Variants in BBX observed in about 807,000 individuals in gnomAD.
The protein encoded by BBX is BBX high mobility group box domain containing.
In BBX, 30 loss-of-function variants were observed where a neutral mutation model predicts 100.2. The observed-to-expected ratio is 0.30, with a 90% CI of 0.22 to 0.41. BBX has a LOEUF of 0.41. Among genes scored for constraint, BBX ranks in the 10% least tolerant of loss-of-function variants. The pLI is 1.00. For missense variants in BBX, 1,023 were observed against 1,129.8 expected, an observed-to-expected ratio of 0.91 and a Z score of 1.35; for synonymous variants, 376 against 388.1, an observed-to-expected ratio of 0.97 and a Z score of 0.37.
At chr3:107,554,232 G>A (rs2049913470) in intron 2 of BBX, among the ~76,000 whole-genome samples, 1 of 152,192 alleles carries the variant, frequency 6.6e-6, no homozygotes, top group Non-Finnish European at 1.5e-5. Flanking sequence ...AGGGATTATT[G>A]ATTACGGATT....
chr3:107,534,055 A>C (rs2048336093), intron 2 of BBX, among the ~76,000 whole-genome samples: 1 of 152,238 alleles, frequency 6.6e-6, no homozygotes, highest in Non-Finnish European at 1.5e-5. Context: ...TCTAGGAATA[A>C]AGTAATAGCT....
intron 3 of BBX, among the ~76,000 whole-genome samples, chr3:107,701,837 G>A (rs565671595): frequency 1.3e-5 from 2 of 151,414 alleles, no homozygotes; most frequent in South Asian, 4.2e-4. Context: ...GGGGATAATA[G>A]TACCTACCTT....
At chr3:107,631,769 G>A (rs2056562673) in intron 2 of BBX, among the ~76,000 whole-genome samples, 1 of 152,098 alleles carries the variant, frequency 6.6e-6, no homozygotes, top group Non-Finnish European at 1.5e-5. Context: ...CTTCTCTGCA[G>A]TTGATACTTT....
At chr3:107,584,649 A>C (rs2052679807) in intron 2 of BBX, among the ~76,000 whole-genome samples, 1 of 134,770 alleles carries the variant, frequency 7.4e-6, no homozygotes, top group African/African-American at 2.7e-5. Context: ...GGCTTCTTTA[A>C]AAAGTGATTT....
At chr3:107,797,702 A>G (rs1381779567) in intron 15 of BBX, among the ~76,000 whole-genome samples, 2 of 152,142 alleles carry the variant, frequency 1.3e-5, no homozygotes, top group African/African-American at 4.8e-5. Flanking sequence ...TGAGTATGTA[A>G]GAAAAGACAC....
intron 9 of BBX, 103 bp downstream of exon 9, chr3:107,748,142 T>C (rs2064778114): frequency 1.1e-6 from 1 of 915,454 alleles, no homozygotes; most frequent in South Asian, 1.6e-5. Context: ...GGCATGCCTG[T>C]TGTCATTATT....
chr3:107,605,302 A>C (rs185842083), intron 2 of BBX, among the ~76,000 whole-genome samples: 8 of 152,232 alleles, frequency 5.3e-5, no homozygotes, highest in Non-Finnish European at 1.0e-4. Flanking sequence ...TAGCTGATGC[A>C]ATTTGTCATT....
At chr3:107,575,968 C>T (rs150745292) in intron 2 of BBX, among the ~76,000 whole-genome samples, 34 of 152,132 alleles carry the variant, frequency 2.2e-4, no homozygotes, top group Middle Eastern at 3.4e-3. Flanking sequence ...CCCGGCAGGT[C>T]GAGGCTGCAG....
intron 3 of BBX, chr3:107,674,750 G>T (rs1290947711): frequency 6.6e-6 from 1 of 152,594 alleles, no homozygotes; most frequent in Non-Finnish European, 1.5e-5. Context: ...ATCTTACAAA[G>T]AACTCCTTTT....
At chr3:107,600,800 G>A (rs762709251) in intron 2 of BBX, among the ~76,000 whole-genome samples, 3 of 152,170 alleles carry the variant, frequency 2.0e-5, no homozygotes, top group South Asian at 2.1e-4. Flanking sequence ...CCTAATACAG[G>A]CCTCTGAGGA....
At chr3:107,710,377 ATTTAC>A (rs1327892342) in intron 3 of BBX, 70 bp from the exon 4 acceptor site, 28 of 1,242,674 alleles carry the variant, frequency 2.3e-5, no homozygotes, top group Admixed American at 1.1e-4. Flanking sequence ...TTGTAATCAA[ATTTAC>A]TTTGATTTAT....
intron 2 of BBX, among the ~76,000 whole-genome samples, chr3:107,609,933 C>G (rs1199472395): frequency 6.6e-6 from 1 of 151,876 alleles, no homozygotes; most frequent in African/African-American, 2.4e-5. Context: ...CCTTACTTTT[C>G]TGATCCTTTA....
chr3:107,595,003 G>A (rs537660694), intron 2 of BBX, among the ~76,000 whole-genome samples: 1 of 152,288 alleles, frequency 6.6e-6, no homozygotes, highest in Non-Finnish European at 1.5e-5. Context: ...TTTAAAACAC[G>A]ATGTCCCACA....
chr3:107,625,581 G>T (rs1169748859), intron 2 of BBX, among the ~76,000 whole-genome samples: 3 of 152,150 alleles, frequency 2.0e-5, no homozygotes, highest in South Asian at 4.1e-4. Context: ...ACCATGCCTG[G>T]TAATCTAATT....
At chr3:107,524,319 T>C (rs2047582635) in intron 1 of BBX, 1 of 152,172 alleles carries the variant, frequency 6.6e-6, no homozygotes, top group African/African-American at 2.4e-5. Context: ...TACACTGTTA[T>C]TTGCTGCGAT....
At chr3:107,551,244 C>G (rs1026448643) in intron 2 of BBX, among the ~76,000 whole-genome samples, 1 of 152,160 alleles carries the variant, frequency 6.6e-6, no homozygotes, top group Non-Finnish European at 1.5e-5. Flanking sequence ...AGAGGAAATA[C>G]AGAAGTAGCC....
rs956523224 is a variant in BBX, at chr3:107,630,570, T to C, written c.-83-15266T>C. On this transcript the variant is annotated intron_variant, in intron 2 of 17. Coordinates refer to ENST00000325805, the MANE Select transcript of BBX (RefSeq NM_001142568.3). ...CCATTTCTGTTGCCTGCCAAAGCAATGAGCTTATCTTTCATCTTTAAACCA... is the reference window on the plus strand; with the variant it reads ...CCATTTCTGTTGCCTGCCAAAGCAACGAGCTTATCTTTCATCTTTAAACCA... Among the ~76,000 whole-genome samples the C allele has an allele frequency of 1.1e-4, 16 of 152,208 alleles. 1 individual carries two copies. The highest frequency in any genetic ancestry group is 5.9e-5 in the Non-Finnish European group (4 of 68,026).
intron 2 of BBX, among the ~76,000 whole-genome samples, chr3:107,609,686 C>T (rs1271586929): frequency 6.6e-6 from 1 of 151,868 alleles, no homozygotes; most frequent in Admixed American, 6.6e-5. Context: ...GTCACAGTTG[C>T]CTCTAGTGAT....
intron 15 of BBX, 64 bp downstream of exon 15, chr3:107,791,363 G>C: frequency 7.7e-7 from 1 of 1,306,466 alleles, no homozygotes; most frequent in Non-Finnish European, 1.1e-6. Flanking sequence ...AGTTGTATAG[G>C]TTTTTAAAAG....
Sources: allele counts gnomAD v4.1 joint callset (sites outside exome capture counted in the v4.1 genomes callset), GRCh38; gene constraint gnomAD v4.1.1; transcripts MANE v1.5; gene names NCBI Gene and HGNC (gene_info 2026-07-23, HGNC 2026-07-21).